Variants in MTAP observed in about 807,000 individuals in gnomAD.
The protein encoded by MTAP is S-methyl-5'-thioadenosine phosphorylase.
A neutral mutation model predicts 33.6 loss-of-function variants in MTAP; 33 were observed. The ratio of observed to expected loss-of-function variants is 0.98; its 90% confidence interval spans 0.74 to 1.31. The LOEUF is 1.31. MTAP is among the 40% of genes most tolerant of loss of function. The pLI is 0.00. For synonymous variants in MTAP, 148 were observed against 125.7 expected, an observed-to-expected ratio of 1.18 and a Z score of -1.19; for missense variants, 367 against 360.0, an observed-to-expected ratio of 1.02 and a Z score of -0.16.
intron 4 of MTAP, among the ~76,000 whole-genome samples, chr9:21,827,525 A>G (rs148060077): frequency 4.9e-4 from 74 of 152,356 alleles, no homozygotes; most frequent in Non-Finnish European, 9.4e-4. Flanking sequence ...GGTTCAACCT[A>G]ATAAATAATG....
chr9:21,913,429 A>T (rs183106903), intron 1 of MTAP, among the ~76,000 whole-genome samples: 2 of 152,326 alleles, frequency 1.3e-5, no homozygotes, highest in East Asian at 3.9e-4. Context: ...ACCAAAACAG[A>T]GATATAGACC....
chr9:21,875,566 C>G (rs1825993834), intron 1 of MTAP, among the ~76,000 whole-genome samples: 1 of 152,094 alleles, frequency 6.6e-6, no homozygotes, highest in African/African-American at 2.4e-5. Flanking sequence ...CCTTAACCCT[C>G]AAGTTGGCCC....
intron 1 of MTAP, among the ~76,000 whole-genome samples, chr9:21,914,341 T>C (rs1227927196): frequency 1.3e-5 from 2 of 152,172 alleles, no homozygotes; most frequent in Non-Finnish European, 2.9e-5. Flanking sequence ...CATATGTTTA[T>C]TGTGGCACTA....
downstream of MTAP, among the ~76,000 whole-genome samples, chr9:21,871,066 TG>T (rs1741106348): frequency 6.6e-6 from 1 of 152,174 alleles, no homozygotes; most frequent in Non-Finnish European, 1.5e-5. Context: ...CCACCATGCC[TG>T]GCTGTGAGGC....
At chr9:21,835,047 G>A (rs1208091738) in intron 4 of MTAP, among the ~76,000 whole-genome samples, 2 of 152,168 alleles carry the variant, frequency 1.3e-5, no homozygotes, top group African/African-American at 2.4e-5. Flanking sequence ...AGGCTGGGAA[G>A]TCCAAAAAAA....
In MTAP at chr9:21,818,209, A is replaced by T; in HGVS notation, c.347+7A>T. On this transcript the variant is annotated splice_region_variant and intron_variant, in intron 4 of 7. Coordinates refer to ENST00000644715, the MANE Select transcript of MTAP (RefSeq NM_002451.4). Reference sequence around the variant, plus strand: ...TTGATCAGTTCATTGACAGGTAAGCAGTCATACAAAATGCTTTAGGCTATT... The same window carrying T: ...TTGATCAGTTCATTGACAGGTAAGCTGTCATACAAAATGCTTTAGGCTATT... 2 of 1,611,906 alleles carry T rather than the reference A, an allele frequency of 1.2e-6. No individual in the cohort carries two copies. The highest frequency in any genetic ancestry group is 1.7e-6 in the Non-Finnish European group (2 of 1,179,102).
intron 4 of MTAP, among the ~76,000 whole-genome samples, chr9:21,820,590 G>A (rs546811505): frequency 3.9e-4 from 60 of 152,294 alleles, no homozygotes; most frequent in African/African-American, 1.4e-3. Flanking sequence ...CTCCAGCTTT[G>A]TTCTTTTGGC....
chr9:21,916,699 C>T (rs538813960), intron 1 of MTAP, among the ~76,000 whole-genome samples: 2 of 152,072 alleles, frequency 1.3e-5, no homozygotes, highest in East Asian at 3.9e-4. Context: ...CATCTACAAG[C>T]CAAGAAATCC....
At chr9:21,925,325 T>C (rs1211558373) in intron 1 of MTAP, among the ~76,000 whole-genome samples, 1 of 152,200 alleles carries the variant, frequency 6.6e-6, no homozygotes, top group Non-Finnish European at 1.5e-5. Flanking sequence ...GGACCATTTT[T>C]TAACTCAGGC....
At chr9:21,937,481 A>G (rs1346755713) in exon 8 of MTAP, 1 of 152,182 alleles carries the variant, frequency 6.6e-6, no homozygotes, top group Non-Finnish European at 1.5e-5. Flanking sequence ...TTCCCTTGTA[A>G]CTAATCGGCC....
At chr9:21,911,773 C>T (rs202179777) in intron 1 of MTAP, among the ~76,000 whole-genome samples, 6 of 151,756 alleles carry the variant, frequency 4.0e-5, no homozygotes, top group Non-Finnish European at 8.8e-5. Context: ...AAGAAATAAC[C>T]AAGATGGGAG....
At chr9:21,815,614 T>C in intron 2 of MTAP, 95 bp downstream of exon 2, 1 of 907,438 alleles carries the variant, frequency 1.1e-6, no homozygotes, top group South Asian at 1.6e-5. Context: ...AGAATTGCTT[T>C]TGTTTTGGCA....
At chr9:21,870,307 T>G (rs922323259), downstream of MTAP, among the ~76,000 whole-genome samples, 2 of 152,252 alleles carry the variant, frequency 1.3e-5, no homozygotes, top group Non-Finnish European at 2.9e-5. Context: ...GTTTATTGTT[T>G]TGTAACTCCC....
intron 1 of MTAP, among the ~76,000 whole-genome samples, chr9:21,887,150 G>A (rs1328327506): frequency 6.6e-6 from 1 of 152,016 alleles, no homozygotes; most frequent in African/African-American, 2.4e-5. Context: ...TAGGGTACAT[G>A]TGCACAACGT....
chr9:21,885,578 C>T (rs1450026628), intron 1 of MTAP, among the ~76,000 whole-genome samples: 1 of 152,098 alleles, frequency 6.6e-6, no homozygotes, highest in African/African-American at 2.4e-5. Context: ...ACCCACCTCC[C>T]ACCCTGCCCC....
downstream of MTAP, chr9:21,933,839 C>A (rs1488434285): frequency 6.6e-6 from 1 of 152,136 alleles, no homozygotes; most frequent in Non-Finnish European, 1.5e-5. Context: ...TAGAGACTAT[C>A]CTAAAATTAA....
At chr9:21,880,791 A>G (rs1449439296) in intron 1 of MTAP, among the ~76,000 whole-genome samples, 1 of 152,136 alleles carries the variant, frequency 6.6e-6, no homozygotes, top group East Asian at 1.9e-4. Context: ...TTTTATGTTC[A>G]TACACTGGAA....
intron 1 of MTAP, chr9:21,893,364 C>T (rs1276789727): frequency 1.3e-5 from 2 of 152,036 alleles, no homozygotes; most frequent in African/African-American, 4.8e-5. Flanking sequence ...AGCAAACCAA[C>T]CCAAAAGATA....
rs753415134 is a variant in MTAP, at chr9:21,818,069, G to C, written c.214G>C (p.Val72Leu). ...GRQHTIMPSK[V>L]NYQANIWALK... ...GCAGCACACCATCATGCCTTCAAAG[G>C]TCAACTACCAGGCGAACATCTGGGC... Residue 72 changes from valine to leucine, a missense_variant, in exon 4 of 8, where the codon GTC (valine) becomes CTC (leucine). Val to Leu is a conservative substitution (Grantham distance 32). Transcript: ENST00000644715. 3 of 1,613,434 alleles carry C rather than the reference G, an allele frequency of 1.9e-6. No homozygotes were observed. The highest frequency in any genetic ancestry group is 1.7e-5 in the Admixed American group (1 of 59,926).
Sources: allele counts gnomAD v4.1 joint callset (sites outside exome capture counted in the v4.1 genomes callset), GRCh38; gene constraint gnomAD v4.1.1; transcripts MANE v1.5; gene names NCBI Gene and HGNC (gene_info 2026-07-23, HGNC 2026-07-21).